CNTNAP2: variants seen among roughly 807,000 people sequenced by gnomAD.
The protein encoded by CNTNAP2 is contactin associated protein 2.
A neutral mutation model predicts 155.2 loss-of-function variants in CNTNAP2; 98 were observed. The observed-to-expected ratio is 0.63, with a 90% CI of 0.54 to 0.75. The LOEUF (loss-of-function observed/expected upper bound fraction) is 0.75. CNTNAP2 is among the 30% of genes least tolerant of loss of function. The pLI is 0.00. For missense variants in CNTNAP2, 1,727 were observed against 1,688.1 expected (o/e 1.02, Z -0.40); for synonymous variants, 651 against 631.2 (o/e 1.03, Z -0.47).
intron 3 of CNTNAP2, among the ~76,000 whole-genome samples, chr7:146,921,146 A>G (rs1002343425): frequency 2.0e-5 from 3 of 152,126 alleles, no homozygotes; most frequent in African/African-American, 7.2e-5. Context: ...GAAGAGGTGG[A>G]CTACCAAGAG....
At chr7:148,040,005 C>T (rs753145048) in intron 15 of CNTNAP2, among the ~76,000 whole-genome samples, 3 of 152,116 alleles carry the variant, frequency 2.0e-5, no homozygotes, top group Non-Finnish European at 4.4e-5. Flanking sequence ...AAAACTATCC[C>T]TTCTCTCTCT....
intron 1 of CNTNAP2, among the ~76,000 whole-genome samples, chr7:146,145,875 C>T (rs1050894322): frequency 3.9e-5 from 6 of 152,158 alleles, no homozygotes; most frequent in African/African-American, 1.2e-4. Flanking sequence ...CCTTCAGAAG[C>T]AGCCATGAGT....
intron 1 of CNTNAP2, among the ~76,000 whole-genome samples, chr7:146,298,160 G>T (rs954445586): frequency 1.3e-5 from 2 of 152,176 alleles, no homozygotes; most frequent in African/African-American, 4.8e-5. Flanking sequence ...GAAAAAGACA[G>T]TCTGGGACTT....
intron 8 of CNTNAP2, among the ~76,000 whole-genome samples, chr7:147,259,990 T>C (rs1009285268): frequency 1.3e-5 from 2 of 152,156 alleles, no homozygotes; most frequent in Non-Finnish European, 2.9e-5. Flanking sequence ...CACAAAAGGA[T>C]AGATTGGTCA....
chr7:147,641,413 G>GT (rs1795276815), intron 13 of CNTNAP2, among the ~76,000 whole-genome samples: 1 of 152,138 alleles, frequency 6.6e-6, no homozygotes, highest in Non-Finnish European at 1.5e-5. Flanking sequence ...CAGAGGGCCA[G>GT]TACTTCTCAG....
intron 8 of CNTNAP2, among the ~76,000 whole-genome samples, chr7:147,225,021 A>G (rs1803489511): frequency 6.6e-6 from 1 of 152,214 alleles, no homozygotes. Context: ...TTGTGAGCAC[A>G]GCGTAGAACA....
intron 8 of CNTNAP2, among the ~76,000 whole-genome samples, chr7:147,293,047 C>A (rs1465808759): frequency 6.6e-6 from 1 of 152,166 alleles, no homozygotes; most frequent in Non-Finnish European, 1.5e-5. Context: ...GGATTGCAGG[C>A]ATAAGCCACC....
intron 1 of CNTNAP2, among the ~76,000 whole-genome samples, chr7:146,367,570 C>G (rs900982669): frequency 5.9e-5 from 9 of 152,098 alleles, no homozygotes; most frequent in African/African-American, 2.2e-4. Flanking sequence ...CATTCCTCAT[C>G]TCTGTATAGA....
At chr7:147,890,231 G>A (rs1799667628) in intron 13 of CNTNAP2, among the ~76,000 whole-genome samples, 1 of 152,098 alleles carries the variant, frequency 6.6e-6, no homozygotes, top group Non-Finnish European at 1.5e-5. Context: ...AAATAATGAT[G>A]ACAGCATAAT....
intron 18 of CNTNAP2, among the ~76,000 whole-genome samples, chr7:148,211,138 G>C (rs1370618489): frequency 2.0e-5 from 3 of 152,200 alleles, no homozygotes; most frequent in Admixed American, 6.5e-5. Flanking sequence ...GTTAATGAGA[G>C]TGATCATTCT....
At chr7:146,613,250 T>C (rs1032544876) in intron 1 of CNTNAP2, among the ~76,000 whole-genome samples, 4 of 152,310 alleles carry the variant, frequency 2.6e-5, no homozygotes, top group East Asian at 1.9e-4. Context: ...CAGGTCATCA[T>C]TGTGGCCACA....
chr7:147,109,212 T>C (rs2129279780), intron 5 of CNTNAP2, among the ~76,000 whole-genome samples: 1 of 152,268 alleles, frequency 6.6e-6, no homozygotes, highest in East Asian at 1.9e-4. Context: ...ATAGTACTGC[T>C]TGTATGAGGT....
intron 12 of CNTNAP2, among the ~76,000 whole-genome samples, chr7:147,608,593 C>T (rs1801119754): frequency 6.6e-6 from 1 of 152,142 alleles, no homozygotes. Context: ...TCAGCCACCA[C>T]ACCTGGCCAT....
chr7:148,388,635 G>A (rs570453974), intron 22 of CNTNAP2, among the ~76,000 whole-genome samples: 4 of 152,088 alleles, frequency 2.6e-5, no homozygotes, highest in African/African-American at 9.7e-5. Context: ...CAGTTTTTCT[G>A]CTCTGTTTTT....
At chr7:146,175,388 A>G (rs1046701586) in intron 1 of CNTNAP2, among the ~76,000 whole-genome samples, 4 of 152,168 alleles carry the variant, frequency 2.6e-5, no homozygotes, top group African/African-American at 9.7e-5. Context: ...CTCTGTGTTT[A>G]GGTTTCTGGT....
At chr7:147,815,460 G>A (rs577996876) in intron 13 of CNTNAP2, among the ~76,000 whole-genome samples, 3 of 151,860 alleles carry the variant, frequency 2.0e-5, no homozygotes, top group East Asian at 3.9e-4. Flanking sequence ...TGTGGGCCCC[G>A]ACATCTCAGA....
chr7:147,867,283 C>G (rs892762074), intron 13 of CNTNAP2, among the ~76,000 whole-genome samples: 3 of 152,336 alleles, frequency 2.0e-5, no homozygotes, highest in Non-Finnish European at 4.4e-5. Flanking sequence ...GACCCCAACT[C>G]TCTTCTGGCT....
chr7:146,341,682 G>C (rs1040451162), intron 1 of CNTNAP2, among the ~76,000 whole-genome samples: 3 of 151,908 alleles, frequency 2.0e-5, no homozygotes, highest in African/African-American at 7.3e-5. Context: ...CTGTGAAAAA[G>C]CAACTTTAGT....
intron 13 of CNTNAP2, among the ~76,000 whole-genome samples, chr7:147,885,643 T>A (rs2116722790): frequency 6.6e-6 from 1 of 152,270 alleles, no homozygotes; most frequent in African/African-American, 2.4e-5. Context: ...CTTTCTTATA[T>A]CACCTTAACC....
Sources: allele counts gnomAD v4.1 joint callset (sites outside exome capture counted in the v4.1 genomes callset), GRCh38; gene constraint gnomAD v4.1.1; transcripts MANE v1.5; gene names NCBI Gene and HGNC (gene_info 2026-07-23, HGNC 2026-07-21).